The following CSMD1 variants were observed in gnomAD, a reference collection of about 807,000 sequenced individuals.
The protein encoded by CSMD1 is CUB and Sushi multiple domains 1.
A neutral mutation model predicts 417.5 loss-of-function variants in CSMD1; 213 were observed. The observed-to-expected ratio is 0.51, with a 90% CI of 0.46 to 0.57. The LOEUF is 0.57. Among genes scored for constraint, CSMD1 ranks in the 20% least tolerant of loss-of-function variants. CSMD1 has a pLI of 0.00. For missense variants in CSMD1, 6,923 were observed against 4,529.7 expected, an observed-to-expected ratio of 1.53 and a Z score of -15.17; for synonymous variants, 2,862 against 1,736.8, an observed-to-expected ratio of 1.65 and a Z score of -16.11.
Position 3,087,142 on chromosome 8 carries a change from G to C in CSMD1, c.7429C>G (p.Pro2477Ala), listed in dbSNP as rs778233725. Residue 2477 changes from proline to alanine, a missense_variant, in exon 49 of 70, where the codon CCA becomes GCA. Pro to Ala is a conservative substitution (Grantham distance 27, BLOSUM62 -1). Coordinates refer to ENST00000635120, the MANE Select transcript of CSMD1 (RefSeq NM_033225.6). ...GAGTCCCACTGGTACATGCCAAGTG[G>C]GTTTCGTCTACAGGTTGCATTGCTG... is the stretch of plus-strand genomic sequence containing the variant. ...GHSNATCRRN[P>A]LGMYQWDSLT... 9 of 1,613,816 alleles carry C rather than the reference G, an allele frequency of 5.6e-6. No homozygotes were observed. The highest frequency in any genetic ancestry group is 7.6e-6 in the Non-Finnish European group (9 of 1,179,902).
chr8:4,409,090 T>G (rs1438212084), intron 3 of CSMD1, among the ~76,000 whole-genome samples: 1 of 152,210 alleles, frequency 6.6e-6, no homozygotes, highest in Non-Finnish European at 1.5e-5. Flanking sequence ...CTGTGAAGCC[T>G]TTTTTAAAGT....
intron 3 of CSMD1, among the ~76,000 whole-genome samples, chr8:4,067,367 G>C (rs1183148391): frequency 6.6e-6 from 1 of 152,192 alleles, no homozygotes; most frequent in African/African-American, 2.4e-5. Flanking sequence ...AAGTGATTCG[G>C]GAGTTAAACT....
At chr8:4,519,309 T>C (rs947865860) in intron 2 of CSMD1, among the ~76,000 whole-genome samples, 4 of 151,652 alleles carry the variant, frequency 2.6e-5, no homozygotes, top group Non-Finnish European at 5.9e-5. Flanking sequence ...AGTACCTAAA[T>C]GCATGGATGA....
intron 2 of CSMD1, among the ~76,000 whole-genome samples, chr8:4,499,952 G>T (rs1802171170): frequency 6.6e-6 from 1 of 152,028 alleles, no homozygotes; most frequent in Non-Finnish European, 1.5e-5. Flanking sequence ...TAGTATGCAT[G>T]GAAAGAAAAA....
chr8:4,292,784 G>C (rs191780591), intron 3 of CSMD1, among the ~76,000 whole-genome samples: 62 of 152,270 alleles, frequency 4.1e-4, no homozygotes, highest in African/African-American at 1.4e-3. Context: ...ATCTTCAGTA[G>C]TCCCAACCAT....
intron 1 of CSMD1, among the ~76,000 whole-genome samples, chr8:4,749,743 T>C (rs1159536666): frequency 6.6e-6 from 1 of 152,210 alleles, no homozygotes; most frequent in Non-Finnish European, 1.5e-5. Flanking sequence ...ACATATTTCA[T>C]AAATAATATA....
intron 12 of CSMD1, among the ~76,000 whole-genome samples, chr8:3,417,083 C>T (rs943472714): frequency 1.3e-5 from 2 of 152,168 alleles, no homozygotes; most frequent in African/African-American, 4.8e-5. Context: ...GTTGTGCTTG[C>T]ATTACCAAAT....
chr8:3,614,382 T>G (rs554714467), intron 8 of CSMD1, among the ~76,000 whole-genome samples: 1 of 152,180 alleles, frequency 6.6e-6, no homozygotes. Flanking sequence ...GCCCTCAGAC[T>G]TAATGTTCAT....
rs535835883 is a variant in CSMD1 at position 3,681,597 on chromosome 8, C to G, written c.1009+26817G>C. On this transcript the variant is annotated intron_variant, in intron 7 of 69. Transcript: ENST00000635120. ...TATGGATAGGAAGAGTAAATATCGTCAAAATGGCCATACTGCCCAAGGTAA... is the reference window on the plus strand; with the variant it reads ...TATGGATAGGAAGAGTAAATATCGTGAAAATGGCCATACTGCCCAAGGTAA... 1.1e-3 allele frequency among the ~76,000 whole-genome samples: 168 copies of G among 152,160 alleles called. No individual in the cohort carries two copies. In the East Asian group the frequency reaches 0.011, roughly 10 times the overall value.
intron 11 of CSMD1, among the ~76,000 whole-genome samples, chr8:3,473,112 A>G: frequency 6.6e-6 from 1 of 152,212 alleles, no homozygotes; most frequent in East Asian, 1.9e-4. Context: ...CATTGAAAAG[A>G]CTTATACTGT....
chr8:4,018,184 C>A (rs544649716), intron 4 of CSMD1, among the ~76,000 whole-genome samples: 1 of 152,160 alleles, frequency 6.6e-6, no homozygotes, highest in East Asian at 1.9e-4. Context: ...AAATACACAT[C>A]TTTTACATAA....
At chr8:4,375,337 G>A (rs1436156194) in intron 3 of CSMD1, among the ~76,000 whole-genome samples, 1 of 152,070 alleles carries the variant, frequency 6.6e-6, no homozygotes, top group South Asian at 2.1e-4. Context: ...TGTCAGGAGG[G>A]TGATCATCCT....
At chr8:3,545,583 A>G (rs1471428970) in intron 10 of CSMD1, among the ~76,000 whole-genome samples, 1 of 150,852 alleles carries the variant, frequency 6.6e-6, no homozygotes, top group Admixed American at 6.6e-5. Context: ...TTTACCATGA[A>G]GGCTACTTAT....
At chr8:4,472,532 A>T (rs1362310540) in intron 2 of CSMD1, among the ~76,000 whole-genome samples, 1 of 152,174 alleles carries the variant, frequency 6.6e-6, no homozygotes, top group Non-Finnish European at 1.5e-5. Context: ...ATACCAAAAC[A>T]GTATTTAGAA....
At chr8:3,227,913 A>C (rs1440259062) in intron 27 of CSMD1, among the ~76,000 whole-genome samples, 1 of 151,894 alleles carries the variant, frequency 6.6e-6, no homozygotes, top group African/African-American at 2.4e-5. Context: ...GATCACAGGC[A>C]TGCACCACCA....
At chr8:4,527,362 G>T (rs1400478321) in intron 2 of CSMD1, among the ~76,000 whole-genome samples, 1 of 152,120 alleles carries the variant, frequency 6.6e-6, no homozygotes, top group Non-Finnish European at 1.5e-5. Context: ...AATCTCACCA[G>T]AAAGTAAAAT....
intron 3 of CSMD1, among the ~76,000 whole-genome samples, chr8:4,346,548 C>G (rs1030516018): frequency 1.4e-4 from 21 of 152,110 alleles, no homozygotes; most frequent in Admixed American, 1.4e-3. Context: ...AACTTTCAGT[C>G]TTTGGGCTTG....
chr8:3,462,122 GCCC>G (rs11292179), intron 12 of CSMD1, among the ~76,000 whole-genome samples: 5,170 of 149,506 alleles, frequency 0.035, 163 homozygotes, highest in East Asian at 0.15. Context: ...CAGAATCCAG[GCCC>G]CCCCCCCCAC....
intron 5 of CSMD1, among the ~76,000 whole-genome samples, chr8:3,814,793 C>G (rs538467894): frequency 6.6e-6 from 1 of 152,150 alleles, no homozygotes; most frequent in Non-Finnish European, 1.5e-5. Context: ...TCTATTTATT[C>G]GTCACGGTGT....
Sources: gnomAD v4.1 joint callset for allele counts (sites outside exome capture counted in the v4.1 genomes callset) on GRCh38, gnomAD v4.1.1 for gene constraint, MANE v1.5 for transcripts, NCBI Gene and HGNC (gene_info 2026-07-23, HGNC 2026-07-21) for gene names.